Variants in ZNF169 observed in about 807,000 individuals in gnomAD.
ZNF169 encodes zinc finger protein 169.
ZNF169 carries 11 observed loss-of-function variants against 12.0 expected under a neutral mutation model. The ratio of observed to expected loss-of-function variants is 0.92; its 90% CI spans 0.58 to 1.52. The LOEUF (loss-of-function observed/expected upper bound fraction) is 1.52. ZNF169 is among the 40% of genes most tolerant of loss of function. ZNF169 has a pLI of 0.00. For synonymous variants in ZNF169, 302 were observed against 286.5 expected (o/e 1.05, Z -0.55); for missense variants, 722 against 744.0 (o/e 0.97, Z 0.34).
rs1408687851 is a variant in ZNF169 at position 94,292,286 on chromosome 9, T to C, written c.34-55T>C. 6 of 1,613,018 alleles carry C rather than the reference T, an allele frequency of 3.7e-6. No individual in the cohort carries two copies. The African/African-American group carries it at 8.0e-5, about 22-fold the overall frequency. On this transcript the variant is annotated intron_variant, in intron 2 of 4. Transcript: ENST00000395395. ...CCTTGACTGTGGTTAGTGGCTTAAG[T>C]TGGTTAGTGGGCATGGCTGGCTGTT... is the stretch of plus-strand genomic sequence containing the variant.
At chr9:94,267,862 CTTTTTTTT>C (rs34734711) in intron 1 of ZNF169, among the ~76,000 whole-genome samples, 1 of 114,106 alleles carries the variant, frequency 8.8e-6, no homozygotes, top group Non-Finnish European at 1.7e-5. Flanking sequence ...AAACTGCCTT[CTTTTTTTT>C]TTTTTTTTTT....
At chr9:94,270,825 TATAA>T (rs1564083484) in intron 1 of ZNF169, among the ~76,000 whole-genome samples, 1 of 18,186 alleles carries the variant, frequency 5.5e-5, no homozygotes, top group Non-Finnish European at 1.1e-4. Flanking sequence ...TATAAATATA[TATAA>T]AATATATATA....
At chr9:94,284,282 G>A (rs558061952) in intron 2 of ZNF169, among the ~76,000 whole-genome samples, 8 of 151,740 alleles carry the variant, frequency 5.3e-5, no homozygotes, top group East Asian at 3.9e-4. Context: ...AAAATTAGCC[G>A]GGCGTGGTGG....
At chr9:94,277,376 A>G (rs1830541689) in intron 1 of ZNF169, among the ~76,000 whole-genome samples, 1 of 152,172 alleles carries the variant, frequency 6.6e-6, no homozygotes, top group African/African-American at 2.4e-5. Flanking sequence ...GTATCTGGGA[A>G]GGAAGGAAGG....
In ZNF169 at chr9:94,292,431, G is replaced by A. The variant is rs140086273; in HGVS notation, c.124G>A (p.Val42Met). 1.6e-5 allele frequency: 26 copies of A among 1,614,010 alleles called. No homozygotes were observed. Among genetic ancestry groups the A allele is most frequent in the Non-Finnish European group, 2.2e-5 (26 of 1,179,986 alleles). ...TGCTCAGAGGACCCTGTACAGGGAG[G>A]TGATGCTGGAGAACTACAGCCATCT... ...SSAQRTLYREVMLENYSHLVS... is the reference protein window; with the variant it reads ...SSAQRTLYREMMLENYSHLVS... The change falls in exon 3 of 5, where the codon GTG (valine) becomes ATG (methionine). Residue 42 changes from valine (V) to methionine (M), a missense_variant. Physicochemically the swap from Val to Met is conservative, Grantham distance 21. Transcript: ENST00000395395.
chr9:94,292,607 T>TTTGTGTGTGTGTG (rs386415517), intron 3 of ZNF169, 140 bp downstream of exon 3: 38,450 of 672,568 alleles, frequency 0.057, 481 homozygotes, highest in East Asian at 0.12. Context: ...CACAGTGCAG[T>TTTGTGTGTGTGTG]TGTGTGTGTG....
At chr9:94,276,327 G>A (rs1269651937) in intron 1 of ZNF169, among the ~76,000 whole-genome samples, 3 of 151,820 alleles carry the variant, frequency 2.0e-5, no homozygotes, top group Non-Finnish European at 4.4e-5. Context: ...GTGCAATGGC[G>A]TGATTTCGGC....
intron 1 of ZNF169, among the ~76,000 whole-genome samples, chr9:94,277,103 G>T (rs972549614): frequency 6.6e-6 from 1 of 152,132 alleles, no homozygotes; most frequent in African/African-American, 2.4e-5. Context: ...TCAGAAAGAC[G>T]GGACAACTCA....
intron 4 of ZNF169, chr9:94,295,545 C>T (rs570802478): frequency 6.6e-6 from 1 of 152,216 alleles, no homozygotes; most frequent in African/African-American, 2.4e-5. Flanking sequence ...TTACTGTAAT[C>T]CTACCTCCCA....
chr9:94,299,444 G>A, intron 4 of ZNF169: 1 of 799,894 alleles, frequency 1.3e-6, no homozygotes, highest in Non-Finnish European at 1.7e-6. Flanking sequence ...TTTCTTAACT[G>A]CAGCTCAGAC....
At chr9:94,281,732 G>T (rs2118604870) in intron 2 of ZNF169, among the ~76,000 whole-genome samples, 1 of 152,262 alleles carries the variant, frequency 6.6e-6, no homozygotes. Context: ...AGAAAGGCGG[G>T]ACAACTCAAA....
intron 2 of ZNF169, chr9:94,288,341 A>AT (rs1300154396): frequency 9.8e-7 from 1 of 1,023,896 alleles, no homozygotes; most frequent in Non-Finnish European, 1.5e-6. Flanking sequence ...TTCTCTGTAA[A>AT]TGCCAGGCCA....
chr9:94,262,279 T>C (rs3118767), intron 1 of ZNF169, among the ~76,000 whole-genome samples: 147,729 of 152,104 alleles, frequency 0.97, 71,755 homozygotes, highest in East Asian at 1. Flanking sequence ...ATCAGTTGTC[T>C]TTTTTGCCTG....
At chr9:94,298,728 CAAAA>C (rs59009101) in intron 4 of ZNF169, among the ~76,000 whole-genome samples, 12 of 105,040 alleles carry the variant, frequency 1.1e-4, no homozygotes, top group African/African-American at 1.0e-4. Flanking sequence ...GACTCTGTCT[CAAAA>C]AAAAAAAAAA....
chr9:94,292,692 G>T, intron 3 of ZNF169: 1 of 670,074 alleles, frequency 1.5e-6, no homozygotes, highest in South Asian at 2.0e-5. Flanking sequence ...CATTTTTCAG[G>T]CCTGTTTACC....
intron 4 of ZNF169, among the ~76,000 whole-genome samples, chr9:94,297,709 T>A (rs59871876): frequency 0.028 from 4,326 of 152,348 alleles, 85 homozygotes; most frequent in African/African-American, 0.039. Context: ...TATAAATCAG[T>A]ATTGTATTTA....
chr9:94,294,983 G>A (rs953319854), intron 4 of ZNF169: 1 of 151,916 alleles, frequency 6.6e-6, no homozygotes, highest in African/African-American at 2.4e-5. Flanking sequence ...TATATAGCTG[G>A]TATTACACTA....
At chr9:94,268,527 C>G (rs141667741) in intron 1 of ZNF169, among the ~76,000 whole-genome samples, 3,915 of 152,098 alleles carry the variant, frequency 0.026, 161 homozygotes, top group African/African-American at 0.089. Flanking sequence ...CAGTGTCTCA[C>G]GCCTGTAATC....
intron 1 of ZNF169, among the ~76,000 whole-genome samples, chr9:94,260,058 C>T (rs546983313): frequency 9.6e-4 from 146 of 151,750 alleles, no homozygotes; most frequent in African/African-American, 3.3e-3. Context: ...ATTACAGGCA[C>T]CCGCCACCAC....
Sources: allele counts gnomAD v4.1 joint callset (sites outside exome capture counted in the v4.1 genomes callset), GRCh38; gene constraint gnomAD v4.1.1; transcripts MANE v1.5; gene names NCBI Gene and HGNC (gene_info 2026-07-23, HGNC 2026-07-21).